The following GPM6A variants were observed in gnomAD, a reference collection of about 807,000 sequenced individuals.
GPM6A encodes glycoprotein M6A, also known as neuronal membrane glycoprotein M6-a.
Under a neutral mutation model 32.1 loss-of-function variants are expected in GPM6A, and 7 were observed. The observed-to-expected ratio is 0.22, with a 90% CI of 0.12 to 0.41. The LOEUF (loss-of-function observed/expected upper bound fraction) is 0.41, where lower values mean the gene tolerates loss of function less well. GPM6A is among the 10% of genes least tolerant of loss of function. The probability of loss-of-function intolerance (pLI) is 1.00; values close to 1 mark genes in which losing one functional copy is unlikely to be tolerated. For synonymous variants in GPM6A, 130 were observed against 123.4 expected, an observed-to-expected ratio of 1.05 and a Z score of -0.35; for missense variants, 235 against 347.2, an observed-to-expected ratio of 0.68 and a Z score of 2.57.
intron 1 of GPM6A, among the ~76,000 whole-genome samples, chr4:175,869,167 C>T (rs1333740390): frequency 1.3e-5 from 2 of 152,150 alleles, no homozygotes; most frequent in Admixed American, 6.6e-5. Context: ...TCAAAAATCT[C>T]GCTATTCAAA....
intron 1 of GPM6A, among the ~76,000 whole-genome samples, chr4:175,800,379 C>T (rs550912481): frequency 6.6e-6 from 1 of 152,256 alleles, no homozygotes; most frequent in African/African-American, 2.4e-5. Context: ...ATATCAATAT[C>T]ATTTTAATTT....
intron 1 of GPM6A, among the ~76,000 whole-genome samples, chr4:175,754,972 C>T (rs1256310507): frequency 6.6e-6 from 1 of 152,010 alleles, no homozygotes; most frequent in Non-Finnish European, 1.5e-5. Flanking sequence ...CCCCCCACAA[C>T]ACACACGCAC....
At chr4:175,972,371 A>C (rs977029867) in intron 1 of GPM6A, among the ~76,000 whole-genome samples, 6 of 152,212 alleles carry the variant, frequency 3.9e-5, no homozygotes, top group Admixed American at 3.9e-4. Context: ...CATGCCAGTA[A>C]TTATTTCTAA....
intron 1 of GPM6A, among the ~76,000 whole-genome samples, chr4:175,999,255 C>A (rs962988303): frequency 2.6e-5 from 4 of 152,190 alleles, no homozygotes; most frequent in African/African-American, 9.7e-5. Flanking sequence ...ATATTCCTGA[C>A]CTATCTTTCC....
At chr4:175,658,097 T>A (rs1742189194) in intron 3 of GPM6A, among the ~76,000 whole-genome samples, 1 of 152,172 alleles carries the variant, frequency 6.6e-6, no homozygotes, top group African/African-American at 2.4e-5. Flanking sequence ...ATCGGAAAAT[T>A]CTTTTTAAGT....
At chr4:175,826,860 T>A (rs1735455808) in intron 1 of GPM6A, among the ~76,000 whole-genome samples, 1 of 152,190 alleles carries the variant, frequency 6.6e-6, no homozygotes, top group Non-Finnish European at 1.5e-5. Flanking sequence ...TATTTCTTTA[T>A]TAACAAGTAA....
At chr4:175,790,801 T>A (rs1733983374) in intron 1 of GPM6A, among the ~76,000 whole-genome samples, 1 of 152,206 alleles carries the variant, frequency 6.6e-6, no homozygotes, top group Non-Finnish European at 1.5e-5. Flanking sequence ...AAATTATCTA[T>A]TCATTGCCTA....
chr4:175,958,967 T>C (rs1417398081), intron 1 of GPM6A, among the ~76,000 whole-genome samples: 1 of 152,208 alleles, frequency 6.6e-6, no homozygotes, highest in Non-Finnish European at 1.5e-5. Context: ...AATGAGTGTC[T>C]GAATATACAA....
At chr4:175,738,943 A>G (rs1477906748) in intron 1 of GPM6A, among the ~76,000 whole-genome samples, 1 of 152,188 alleles carries the variant, frequency 6.6e-6, no homozygotes, top group Non-Finnish European at 1.5e-5. Context: ...TAAAACTCAC[A>G]GCTTAGTTTT....
chr4:175,936,533 A>C (rs112239135), intron 1 of GPM6A, among the ~76,000 whole-genome samples: 272 of 152,162 alleles, frequency 1.8e-3, no homozygotes, highest in African/African-American at 6.2e-3. Flanking sequence ...AGCAGCCTGC[A>C]GGCATTCAAT....
At chr4:175,787,596 CT>C in intron 1 of GPM6A, 1 of 1,344,732 alleles carries the variant, frequency 7.4e-7, no homozygotes, top group Non-Finnish European at 9.5e-7. Flanking sequence ...TCTAATTCAG[CT>C]TTTTTCCCCA....
intron 6 of GPM6A, among the ~76,000 whole-genome samples, chr4:175,637,082 CATAT>C (rs72029020): frequency 3.5e-5 from 3 of 86,712 alleles, no homozygotes; most frequent in Non-Finnish European, 2.0e-5. Context: ...AAATATATAA[CATAT>C]AATATATCAT....
intron 1 of GPM6A, among the ~76,000 whole-genome samples, chr4:175,788,932 G>A (rs1028854325): frequency 6.6e-6 from 1 of 152,064 alleles, no homozygotes; most frequent in African/African-American, 2.4e-5. Flanking sequence ...AGAAAATGAG[G>A]AATATGAAAA....
At chr4:175,936,537 A>T (rs1406821408) in intron 1 of GPM6A, among the ~76,000 whole-genome samples, 1 of 152,082 alleles carries the variant, frequency 6.6e-6, no homozygotes, top group Non-Finnish European at 1.5e-5. Flanking sequence ...GCCTGCAGGC[A>T]TTCAATAGGT....
chr4:175,975,620 A>C (rs551623372), intron 1 of GPM6A, among the ~76,000 whole-genome samples: 1 of 152,324 alleles, frequency 6.6e-6, no homozygotes, highest in South Asian at 2.1e-4. Context: ...CCAGTTCCTA[A>C]CTAATTTTTA....
intron 1 of GPM6A, among the ~76,000 whole-genome samples, chr4:175,712,301 C>T (rs1560890667): frequency 6.6e-6 from 1 of 152,174 alleles, no homozygotes; most frequent in South Asian, 2.1e-4. Context: ...GCTCTTACAG[C>T]CCCCACTACC....
intron 1 of GPM6A, among the ~76,000 whole-genome samples, chr4:175,951,750 T>C (rs1251604736): frequency 6.6e-6 from 1 of 152,256 alleles, no homozygotes; most frequent in African/African-American, 2.4e-5. Context: ...CCTGGGTAGT[T>C]AATGGTATTG....
intron 1 of GPM6A, among the ~76,000 whole-genome samples, chr4:175,835,627 G>GTGTATATATA (rs1553994100): frequency 5.0e-5 from 7 of 138,630 alleles, no homozygotes; most frequent in Non-Finnish European, 7.7e-5. Context: ...GTGAGTGTGT[G>GTGTATATATA]TATATATATA....
intron 1 of GPM6A, among the ~76,000 whole-genome samples, chr4:175,795,648 G>C (rs769716245): frequency 3.9e-5 from 6 of 152,108 alleles, no homozygotes; most frequent in Non-Finnish European, 5.9e-5. Flanking sequence ...GCTGGGAGGA[G>C]GCAGAGGTGG....
Sources: allele counts gnomAD v4.1 joint callset (sites outside exome capture counted in the v4.1 genomes callset), GRCh38; gene constraint gnomAD v4.1.1; transcripts MANE v1.5; gene names NCBI Gene and HGNC (gene_info 2026-07-23, HGNC 2026-07-21).